SCAPER: variants seen among roughly 807,000 people sequenced by gnomAD.
SCAPER encodes the protein S-phase cyclin A associated protein in the ER, also known as S phase cyclin A-associated protein in the endoplasmic reticulum.
Under a neutral mutation model 182.2 loss-of-function variants are expected in SCAPER, and 98 were observed. The ratio of observed to expected loss-of-function variants is 0.54; its 90% CI spans 0.46 to 0.64. The LOEUF is 0.64. SCAPER is among the 30% of genes least tolerant of loss of function. SCAPER has a pLI of 0.00. For synonymous variants in SCAPER, 605 were observed against 564.6 expected (o/e 1.07, Z -1.01); for missense variants, 1,432 against 1,690.0 (o/e 0.85, Z 2.68).
rs983183339 is a variant in SCAPER at position 76,790,937 on chromosome 15, T to C, written c.772+4343A>G. 7.2e-5 allele frequency among the ~76,000 whole-genome samples: 11 copies of C among 152,358 alleles called. 1 individual carries two copies. The South Asian group carries it at 1.9e-3, about 26-fold the overall frequency. On this transcript the variant is annotated intron_variant, in intron 8 of 31. Coordinates refer to ENST00000563290, the MANE Select transcript of SCAPER (RefSeq NM_020843.4). Reference sequence around the variant, plus strand: ...CTTTTCCAATGTGTACAATTGAGGCTAGAAATTTTCCTCAAAGCCTAGCTT... The same window carrying C: ...CTTTTCCAATGTGTACAATTGAGGCCAGAAATTTTCCTCAAAGCCTAGCTT...
intron 21 of SCAPER, among the ~76,000 whole-genome samples, chr15:76,627,401 G>T (rs2052686374): frequency 6.6e-6 from 1 of 151,900 alleles, no homozygotes; most frequent in Non-Finnish European, 1.5e-5. Context: ...TAGGTATTAA[G>T]CCCAGCATGC....
At chr15:76,750,078 T>A (rs2062005129) in intron 15 of SCAPER, among the ~76,000 whole-genome samples, 1 of 151,712 alleles carries the variant, frequency 6.6e-6, no homozygotes, top group East Asian at 1.9e-4. Flanking sequence ...AAAACTCACA[T>A]ATTCATGGCC....
chr15:76,751,343 T>C (rs917522063), intron 15 of SCAPER, among the ~76,000 whole-genome samples: 12 of 151,660 alleles, frequency 7.9e-5, no homozygotes, highest in African/African-American at 1.7e-4. Flanking sequence ...TTACCAAAAT[T>C]CCAATGATGA....
intron 17 of SCAPER, among the ~76,000 whole-genome samples, chr15:76,714,210 T>C (rs902311807): frequency 5.9e-5 from 9 of 152,102 alleles, no homozygotes; most frequent in African/African-American, 2.2e-4. Flanking sequence ...GCATGAAATA[T>C]TTGGGCGGGG....
intron 3 of SCAPER, among the ~76,000 whole-genome samples, chr15:76,858,443 C>T (rs1282450172): frequency 6.6e-6 from 1 of 151,916 alleles, no homozygotes; most frequent in East Asian, 1.9e-4. Context: ...AACAGCAATT[C>T]AAAACAGAAA....
At chr15:76,887,420 T>C (rs147143247) in intron 1 of SCAPER, among the ~76,000 whole-genome samples, 1 of 152,178 alleles carries the variant, frequency 6.6e-6, no homozygotes, top group Admixed American at 6.5e-5. Context: ...CGTGGCAGAC[T>C]GTACCTGGAA....
chr15:76,562,729 A>G (rs147220819), intron 23 of SCAPER, among the ~76,000 whole-genome samples: 99 of 152,328 alleles, frequency 6.5e-4, no homozygotes, highest in African/African-American at 2.2e-3. Context: ...AGAAAAGATA[A>G]AGAGAGACAT....
At chr15:76,902,622 C>G (rs1028781910) in intron 1 of SCAPER, among the ~76,000 whole-genome samples, 1 of 152,222 alleles carries the variant, frequency 6.6e-6, no homozygotes, top group African/African-American at 2.4e-5. Flanking sequence ...CAATGGATAT[C>G]AGATTGTACC....
chr15:76,623,906 T>C (rs2052339817), intron 21 of SCAPER, among the ~76,000 whole-genome samples: 1 of 151,968 alleles, frequency 6.6e-6, no homozygotes, highest in Admixed American at 6.6e-5. Flanking sequence ...GGAACATACC[T>C]CAAAATAATA....
intron 22 of SCAPER, among the ~76,000 whole-genome samples, chr15:76,598,562 C>A (rs574512156): frequency 4.9e-5 from 6 of 121,230 alleles, no homozygotes; most frequent in African/African-American, 1.5e-4. Context: ...AAATGCCCAT[C>A]AATGATAGAC....
chr15:76,834,801 A>C (rs1394518083), intron 5 of SCAPER, among the ~76,000 whole-genome samples: 1 of 152,204 alleles, frequency 6.6e-6, no homozygotes. Flanking sequence ...GAAAACCTAA[A>C]AGAAACGGAT....
At chr15:76,534,715 T>C (rs1384501666) in intron 23 of SCAPER, among the ~76,000 whole-genome samples, 1 of 152,162 alleles carries the variant, frequency 6.6e-6, no homozygotes, top group Non-Finnish European at 1.5e-5. Flanking sequence ...AAAAGTCCGA[T>C]AGGATGAATA....
In SCAPER at chr15:76,744,813, C is replaced by T. The variant is rs943030198; in HGVS notation, c.1866+8995G>A. On this transcript the variant is annotated intron_variant, in intron 15 of 31. Transcript: ENST00000563290. The stretch of plus-strand genomic sequence containing the variant: ...ACCCATTGGAAAACAAATTATTATA[C>T]CAAAAAGACATGTGCAGTCATATGT... Among the ~76,000 whole-genome samples the T allele has an allele frequency of 4.6e-5, 7 of 152,022 alleles. No homozygotes were observed. In the East Asian group the frequency reaches 1.2e-3, roughly 25 times the overall value.
At chr15:76,791,425 G>T (rs1371759030) in intron 8 of SCAPER, among the ~76,000 whole-genome samples, 1 of 152,160 alleles carries the variant, frequency 6.6e-6, no homozygotes, top group Non-Finnish European at 1.5e-5. Flanking sequence ...AGTGAATGTG[G>T]ATTCACTACA....
chr15:76,605,394 G>C (rs556969350), intron 22 of SCAPER, among the ~76,000 whole-genome samples: 6 of 152,258 alleles, frequency 3.9e-5, no homozygotes, highest in Admixed American at 3.9e-4. Context: ...TGGTGGATAA[G>C]CTTTTTGATG....
At chr15:76,510,178 T>G (rs866108597) in intron 23 of SCAPER, among the ~76,000 whole-genome samples, 38 of 152,260 alleles carry the variant, frequency 2.5e-4, no homozygotes, top group African/African-American at 7.5e-4. Flanking sequence ...AAGGATTTCA[T>G]GACCAAGAAC....
At chr15:76,728,855 C>T in intron 16 of SCAPER, 118 bp from the exon 17 acceptor site, 1 of 1,031,042 alleles carries the variant, frequency 9.7e-7, no homozygotes, top group Non-Finnish European at 1.4e-6. Context: ...ATGGGCTTGC[C>T]ACTAGGTACT....
chr15:76,520,915 G>A (rs1317921336), intron 23 of SCAPER, among the ~76,000 whole-genome samples: 2 of 152,158 alleles, frequency 1.3e-5, no homozygotes, highest in African/African-American at 4.8e-5. Context: ...TCTATAAAGT[G>A]AATGCAATTA....
chr15:76,495,624 C>T, intron 24 of SCAPER, among the ~76,000 whole-genome samples: 1 of 146,404 alleles, frequency 6.8e-6, no homozygotes, highest in East Asian at 2.0e-4. Context: ...CGATGCAATG[C>T]TCTGAAAATG....
Sources: gnomAD v4.1 joint callset for allele counts (sites outside exome capture counted in the v4.1 genomes callset) on GRCh38, gnomAD v4.1.1 for gene constraint, MANE v1.5 for transcripts, NCBI Gene and HGNC (gene_info 2026-07-23, HGNC 2026-07-21) for gene names.